COL5A2: variants seen among roughly 807,000 people sequenced by gnomAD.
COL5A2 encodes the protein collagen type V alpha 2 chain.
In COL5A2, 23 loss-of-function variants were observed where a neutral mutation model predicts 208.2. The ratio of observed to expected loss-of-function variants is 0.11; its 90% CI spans 0.08 to 0.16. The LOEUF is 0.16. COL5A2 is among the 10% of genes least tolerant of loss of function. COL5A2 has a pLI of 1.00. For missense variants in COL5A2, 1,590 were observed against 1,956.4 expected (o/e 0.81, Z 3.53); for synonymous variants, 625 against 628.5 (o/e 0.99, Z 0.08).
At chr2:189,142,145 T>G (rs1687946042) in intron 1 of COL5A2, among the ~76,000 whole-genome samples, 1 of 152,136 alleles carries the variant, frequency 6.6e-6, no homozygotes, top group Non-Finnish European at 1.5e-5. Flanking sequence ...CTATATGTTT[T>G]CATGTTATGA....
chr2:189,276,785 T>C, the COL5A2 span, among the ~76,000 whole-genome samples: 1 of 152,196 alleles, frequency 6.6e-6, no homozygotes, highest in Non-Finnish European at 1.5e-5. Context: ...TTTGCAATGA[T>C]GTATTATTTC....
At chr2:189,273,791 T>C in the COL5A2 span, among the ~76,000 whole-genome samples, 1 of 152,070 alleles carries the variant, frequency 6.6e-6, no homozygotes, top group Admixed American at 6.6e-5. Context: ...ATATGAAATA[T>C]GAAAAAGTTG....
the COL5A2 span, among the ~76,000 whole-genome samples, chr2:189,277,816 A>C: frequency 8.5e-5 from 13 of 152,260 alleles, no homozygotes; most frequent in South Asian, 1.7e-3. Context: ...ACACTGGGCA[A>C]AACAGTGATG....
intron 1 of COL5A2, among the ~76,000 whole-genome samples, chr2:189,144,187 G>T (rs2105777241): frequency 6.6e-6 from 1 of 152,102 alleles, no homozygotes; most frequent in African/African-American, 2.4e-5. Flanking sequence ...GAACATAAAA[G>T]TACTTAAGAA....
the COL5A2 span, among the ~76,000 whole-genome samples, chr2:189,377,617 A>T: frequency 6.6e-6 from 1 of 152,294 alleles, no homozygotes; most frequent in East Asian, 1.9e-4. Context: ...TCTTAAGTCC[A>T]CACTAATCTC....
the COL5A2 span, among the ~76,000 whole-genome samples, chr2:189,340,761 G>C: frequency 1.3e-5 from 2 of 152,156 alleles, no homozygotes; most frequent in Non-Finnish European, 2.9e-5. Flanking sequence ...TGAAGTTGAG[G>C]TTTTGACTGA....
chr2:189,382,382 A>T, the COL5A2 span, among the ~76,000 whole-genome samples: 1 of 152,126 alleles, frequency 6.6e-6, no homozygotes, highest in Non-Finnish European at 1.5e-5. Context: ...AATAAAAATT[A>T]ATTTTTAAAA....
the COL5A2 span, among the ~76,000 whole-genome samples, chr2:189,377,129 G>A: frequency 2.6e-5 from 4 of 152,120 alleles, no homozygotes; most frequent in African/African-American, 7.2e-5. Flanking sequence ...CCACCAAAAT[G>A]TAAGTTAAAT....
the COL5A2 span, among the ~76,000 whole-genome samples, chr2:189,319,385 G>A: frequency 6.6e-6 from 1 of 152,240 alleles, no homozygotes; most frequent in Non-Finnish European, 1.5e-5. Flanking sequence ...AATCCGGGAA[G>A]TGCAAGGGGT....
intron 1 of COL5A2, among the ~76,000 whole-genome samples, chr2:189,149,611 A>T (rs1044801256): frequency 5.3e-5 from 8 of 152,220 alleles, no homozygotes; most frequent in African/African-American, 1.9e-4. Flanking sequence ...TAATTATAAA[A>T]TTAAATTGAA....
chr2:189,278,962 A>T, the COL5A2 span, among the ~76,000 whole-genome samples: 1 of 151,932 alleles, frequency 6.6e-6, no homozygotes, highest in African/African-American at 2.4e-5. Flanking sequence ...ACATTTCTTT[A>T]GATCTCTGAA....
At chr2:189,224,463 C>T (rs1334069966) in intron 1 of COL5A2, among the ~76,000 whole-genome samples, 1 of 151,618 alleles carries the variant, frequency 6.6e-6, no homozygotes, top group Non-Finnish European at 1.5e-5. Context: ...CTGAGGCGGG[C>T]GGATTTCTGG....
intron 6 of COL5A2, among the ~76,000 whole-genome samples, chr2:189,093,811 A>T (rs1280659575): frequency 6.6e-6 from 1 of 152,230 alleles, no homozygotes; most frequent in African/African-American, 2.4e-5. Flanking sequence ...CTCCTGGATC[A>T]TATGAATGAG....
intron 1 of COL5A2, among the ~76,000 whole-genome samples, chr2:189,148,677 A>G (rs971849729): frequency 6.6e-6 from 1 of 152,238 alleles, no homozygotes; most frequent in Admixed American, 6.5e-5. Flanking sequence ...AAACCTAGGA[A>G]TGCATATTCT....
chr2:189,332,847 G>C, the COL5A2 span, among the ~76,000 whole-genome samples: 1 of 152,212 alleles, frequency 6.6e-6, no homozygotes, highest in South Asian at 2.1e-4. Flanking sequence ...AAGTGACTTT[G>C]GGATGGGGTA....
chr2:189,391,924 G>C, the COL5A2 span, among the ~76,000 whole-genome samples: 1 of 151,940 alleles, frequency 6.6e-6, no homozygotes, highest in Non-Finnish European at 1.5e-5. Flanking sequence ...TATTAAGTTT[G>C]ACATCATATT....
At chr2:189,191,508 G>A (rs1688929022) in intron 1 of COL5A2, among the ~76,000 whole-genome samples, 1 of 151,954 alleles carries the variant, frequency 6.6e-6, no homozygotes, top group African/African-American at 2.4e-5. Flanking sequence ...AGGGATGGTG[G>A]GGGGCACCAG....
At chr2:189,387,987 G>C in the COL5A2 span, among the ~76,000 whole-genome samples, 2,816 of 152,134 alleles carry the variant, frequency 0.019, 89 homozygotes, top group African/African-American at 0.064. Flanking sequence ...GTCTCACTAT[G>C]TTGCCCAGGC....
At chr2:189,104,163 A>G in intron 3 of COL5A2, 101 bp downstream of exon 3, 1 of 857,358 alleles carries the variant, frequency 1.2e-6, no homozygotes, top group Non-Finnish European at 2.0e-6. Context: ...GGTACTTTGT[A>G]CTTTTCAAAA....
Sources: gnomAD v4.1 joint callset for allele counts (sites outside exome capture counted in the v4.1 genomes callset) on GRCh38, gnomAD v4.1.1 for gene constraint, MANE v1.5 for transcripts, NCBI Gene and HGNC (gene_info 2026-07-23, HGNC 2026-07-21) for gene names.